The following RNF13 variants were observed in gnomAD, a reference collection of about 807,000 sequenced individuals.
RNF13 encodes ring finger protein 13.
Under a neutral mutation model 37.7 loss-of-function variants are expected in RNF13, and 19 were observed. The observed-to-expected ratio is 0.50, with a 90% CI of 0.35 to 0.74. RNF13 has a LOEUF of 0.74. RNF13 is among the 30% of genes least tolerant of loss of function. The pLI is 0.01. For synonymous variants in RNF13, 144 were observed against 157.8 expected (o/e 0.91, Z 0.65); for missense variants, 375 against 453.0 (o/e 0.83, Z 1.56).
chr3:149,884,088 A>G (rs1323448824), intron 4 of RNF13, among the ~76,000 whole-genome samples: 1 of 151,970 alleles, frequency 6.6e-6, no homozygotes, highest in East Asian at 1.9e-4. Context: ...CATTTGCTTT[A>G]TCTAGTCTAT....
intron 1 of RNF13, among the ~76,000 whole-genome samples, chr3:149,843,384 G>A (rs961399269): frequency 1.3e-5 from 2 of 152,146 alleles, no homozygotes; most frequent in Non-Finnish European, 2.9e-5. Context: ...CAAAGTATGA[G>A]CACTAGTTGT....
chr3:149,959,622 A>G (rs1037836991), intron 8 of RNF13, among the ~76,000 whole-genome samples: 1 of 152,240 alleles, frequency 6.6e-6, no homozygotes, highest in Non-Finnish European at 1.5e-5. Context: ...AGAGATTTGA[A>G]GTCCAGTGTG....
At chr3:149,837,827 AG>A (rs546991517) in intron 1 of RNF13, among the ~76,000 whole-genome samples, 2,717 of 152,174 alleles carry the variant, frequency 0.018, 91 homozygotes, top group African/African-American at 0.061. Flanking sequence ...GCCTTCCAAA[AG>A]TCCCCCAAAG....
chr3:149,879,452 G>A (rs748017733), intron 4 of RNF13, among the ~76,000 whole-genome samples: 7 of 151,792 alleles, frequency 4.6e-5, no homozygotes, highest in Non-Finnish European at 8.8e-5. Context: ...AGGACTATAT[G>A]CACACTCCAC....
intron 8 of RNF13, among the ~76,000 whole-genome samples, chr3:149,927,654 A>G (rs188610817): frequency 2.6e-5 from 4 of 152,288 alleles, no homozygotes; most frequent in Admixed American, 2.0e-4. Context: ...TAATATAGCT[A>G]TCCTAATGGG....
At chr3:149,850,608 A>G (rs2108385969) in intron 2 of RNF13, among the ~76,000 whole-genome samples, 1 of 152,350 alleles carries the variant, frequency 6.6e-6, no homozygotes, top group South Asian at 2.1e-4. Context: ...GAAGAGATAA[A>G]AGAATACTTT....
intron 4 of RNF13, among the ~76,000 whole-genome samples, chr3:149,894,071 C>G (rs1424281037): frequency 6.6e-6 from 1 of 151,974 alleles, no homozygotes; most frequent in African/African-American, 2.4e-5. Flanking sequence ...ACTGGCCTAC[C>G]CTGTGTCAGG....
intron 8 of RNF13, among the ~76,000 whole-genome samples, chr3:149,940,113 T>G (rs899935978): frequency 1.3e-5 from 2 of 152,196 alleles, no homozygotes; most frequent in African/African-American, 4.8e-5. Context: ...TTTTCATCAT[T>G]TGTGGTTTTA....
intron 9 of RNF13, 31 bp downstream of exon 9, chr3:149,960,167 ACAT>A (rs2108620659): frequency 7.3e-7 from 1 of 1,363,504 alleles, no homozygotes; most frequent in African/African-American, 1.4e-5. Flanking sequence ...CTTTGAATTT[ACAT>A]ATAGTAATTT....
At chr3:149,900,427 A>T (rs1051700655) in intron 5 of RNF13, among the ~76,000 whole-genome samples, 1 of 143,926 alleles carries the variant, frequency 6.9e-6, no homozygotes, top group Non-Finnish European at 1.5e-5. Flanking sequence ...TGCATCTATT[A>T]AAAAAAAAAA....
chr3:149,826,579 C>G (rs1720529874), intron 1 of RNF13, among the ~76,000 whole-genome samples: 1 of 152,082 alleles, frequency 6.6e-6, no homozygotes, highest in Admixed American at 6.5e-5. Context: ...ACAGATTTCT[C>G]TTAATATTTT....
chr3:149,853,472 G>GAC (rs1284503713), intron 3 of RNF13, among the ~76,000 whole-genome samples: 12 of 149,606 alleles, frequency 8.0e-5, no homozygotes, highest in South Asian at 2.1e-4. Context: ...GAGAGAGAGA[G>GAC]AGAGAGAGAG....
At chr3:149,891,647 C>T (rs1163181296) in intron 4 of RNF13, among the ~76,000 whole-genome samples, 1 of 152,196 alleles carries the variant, frequency 6.6e-6, no homozygotes, top group Non-Finnish European at 1.5e-5. Context: ...TCTGATCAGT[C>T]TCCTTAAAAA....
intron 2 of RNF13, among the ~76,000 whole-genome samples, chr3:149,847,544 T>C (rs1722759891): frequency 1.3e-5 from 2 of 152,102 alleles, no homozygotes; most frequent in African/African-American, 4.8e-5. Context: ...TAGTAATCCA[T>C]ACGAGATTTC....
chr3:149,814,756 G>A (rs974146982), intron 1 of RNF13, among the ~76,000 whole-genome samples: 8 of 152,170 alleles, frequency 5.3e-5, no homozygotes, highest in African/African-American at 1.9e-4. Context: ...GTCAAGCTGG[G>A]TTCAGCTCTG....
At chr3:149,959,561 G>A (rs1163011524) in intron 8 of RNF13, among the ~76,000 whole-genome samples, 4 of 152,166 alleles carry the variant, frequency 2.6e-5, no homozygotes, top group African/African-American at 9.7e-5. Context: ...TAAAGAACTG[G>A]ATGGCAAAGG....
intron 4 of RNF13, among the ~76,000 whole-genome samples, chr3:149,887,960 G>A (rs986598139): frequency 2.0e-5 from 3 of 152,130 alleles, no homozygotes; most frequent in Non-Finnish European, 4.4e-5. Flanking sequence ...TTGATTGGGA[G>A]CAAAAAGAAA....
At chr3:149,949,429 CTTT>C (rs76888636) in intron 8 of RNF13, among the ~76,000 whole-genome samples, 3,958 of 136,716 alleles carry the variant, frequency 0.029, 65 homozygotes, top group South Asian at 0.039. Flanking sequence ...TACTGGGTTG[CTTT>C]TTTTTTTTTT....
chr3:149,922,392 A>C (rs1187435325), intron 8 of RNF13, among the ~76,000 whole-genome samples: 1 of 152,262 alleles, frequency 6.6e-6, no homozygotes, highest in African/African-American at 2.4e-5. Flanking sequence ...GAATGAATGA[A>C]TGTGAGAGAT....
Sources: gnomAD v4.1 joint callset for allele counts (sites outside exome capture counted in the v4.1 genomes callset) on GRCh38, gnomAD v4.1.1 for gene constraint, MANE v1.5 for transcripts, NCBI Gene and HGNC (gene_info 2026-07-23, HGNC 2026-07-21) for gene names.